Variants in SLC1A1 observed in about 807,000 individuals in gnomAD.
SLC1A1 encodes the protein solute carrier family 1 member 1.
Under a neutral mutation model 53.3 loss-of-function variants are expected in SLC1A1, and 43 were observed. The observed-to-expected ratio is 0.81, with a 90% CI of 0.63 to 1.04. SLC1A1 has a LOEUF of 1.04. SLC1A1 is among the 50% of genes least tolerant of loss of function. The probability of loss-of-function intolerance (pLI) is 0.00; values close to 1 mark genes in which losing one functional copy is unlikely to be tolerated. For synonymous variants in SLC1A1, 307 were observed against 243.2 expected (o/e 1.26, Z -2.44); for missense variants, 748 against 664.9 (o/e 1.12, Z -1.37).
chr9:4,498,834 A>G (rs538996887), intron 1 of SLC1A1, among the ~76,000 whole-genome samples: 267 of 147,710 alleles, frequency 1.8e-3, no homozygotes, highest in African/African-American at 5.9e-3. Context: ...GTGTGTGTGT[A>G]TATATATGAT....
Position 4,519,563 on chromosome 9 carries a change from T to C in SLC1A1, c.92-25004T>C, listed in dbSNP as rs184817542. 1.2e-3 allele frequency among the ~76,000 whole-genome samples: 177 copies of C among 152,360 alleles called. 1 individual carries two copies. Among genetic ancestry groups the C allele is most frequent in the African/African-American group, 4.2e-3 (176 of 41,582 alleles). Reference sequence around the variant, plus strand: ...CTACTTGTGATATTATTATCTGTTGTTATTATTCAATCATAAATATTTATT... The same window carrying C: ...CTACTTGTGATATTATTATCTGTTGCTATTATTCAATCATAAATATTTATT... On this transcript the variant is annotated intron_variant, in intron 1 of 11. Transcript: ENST00000262352.
At chr9:4,509,440 G>C (rs1408824914) in intron 1 of SLC1A1, among the ~76,000 whole-genome samples, 3 of 151,962 alleles carry the variant, frequency 2.0e-5, no homozygotes, top group African/African-American at 7.2e-5. Flanking sequence ...ATCTAGGCCT[G>C]AACAGACAAG....
Position 4,544,673 on chromosome 9 carries a change from C to A in SLC1A1, c.198C>A (p.Ile66=), listed in dbSNP as rs369278485. 163 of 1,613,460 alleles carry A rather than the reference C, an allele frequency of 1.0e-4. No individual in the cohort carries two copies. Among genetic ancestry groups the A allele is most frequent in the Non-Finnish European group, 1.3e-4 (158 of 1,179,442 alleles). Residue 66 remains isoleucine (I), a synonymous_variant, in exon 2 of 12, where the codon ATC becomes ATA. Coordinates refer to ENST00000262352, the MANE Select transcript of SLC1A1 (RefSeq NM_004170.6). ...TTCTAATGCGGATGCTGAAACTCAT[C>A]ATTTTGCCATTAATTATATCCAGCA... ...GEILMRMLKL[I]ILPLIISSMI...
At chr9:4,551,350 G>T (rs1269482584) in intron 2 of SLC1A1, among the ~76,000 whole-genome samples, 1 of 151,996 alleles carries the variant, frequency 6.6e-6, no homozygotes, top group Non-Finnish European at 1.5e-5. Context: ...GCTAACATTT[G>T]TTAACTCCAG....
At chr9:4,523,941 G>A (rs534536190) in intron 1 of SLC1A1, among the ~76,000 whole-genome samples, 1 of 152,216 alleles carries the variant, frequency 6.6e-6, no homozygotes, top group East Asian at 1.9e-4. Flanking sequence ...TAAAGAGCCT[G>A]CCTCCTGAAG....
At chr9:4,504,385 T>C (rs1820731208) in intron 1 of SLC1A1, among the ~76,000 whole-genome samples, 1 of 152,248 alleles carries the variant, frequency 6.6e-6, no homozygotes, top group South Asian at 2.1e-4. Context: ...ATTATTTCTA[T>C]GATAAGAAAT....
chr9:4,572,730 G>A (rs1418810653), intron 7 of SLC1A1, among the ~76,000 whole-genome samples: 2 of 151,996 alleles, frequency 1.3e-5, no homozygotes, highest in African/African-American at 4.8e-5. Context: ...TGTATTTTTT[G>A]TAGAGACAGG....
At chr9:4,552,656 G>A (rs192622514) in intron 2 of SLC1A1, among the ~76,000 whole-genome samples, 2 of 152,168 alleles carry the variant, frequency 1.3e-5, no homozygotes, top group Admixed American at 1.3e-4. Flanking sequence ...AGGGGCAAGA[G>A]AGTCCAGTGG....
intron 3 of SLC1A1, among the ~76,000 whole-genome samples, chr9:4,562,728 C>T (rs931090387): frequency 8.5e-5 from 13 of 152,098 alleles, no homozygotes; most frequent in Admixed American, 7.9e-4. Context: ...TCAACCATGT[C>T]CCTACAAAGG....
At chr9:4,541,626 G>C (rs763787297) in intron 1 of SLC1A1, among the ~76,000 whole-genome samples, 10 of 152,178 alleles carry the variant, frequency 6.6e-5, no homozygotes, top group Non-Finnish European at 1.2e-4. Context: ...GTAAGGAAAA[G>C]GCTAATCTAT....
At chr9:4,517,193 T>G (rs1454966927) in intron 1 of SLC1A1, among the ~76,000 whole-genome samples, 2 of 152,188 alleles carry the variant, frequency 1.3e-5, no homozygotes, top group Non-Finnish European at 2.9e-5. Flanking sequence ...CTCTCCACTC[T>G]CCACCGTCCT....
intron 1 of SLC1A1, among the ~76,000 whole-genome samples, chr9:4,533,900 G>A (rs1816572367): frequency 6.6e-6 from 1 of 152,178 alleles, no homozygotes; most frequent in Non-Finnish European, 1.5e-5. Flanking sequence ...TCAGGATTGA[G>A]AAACTCACTC....
At chr9:4,544,410 T>C (rs1817282526) in intron 1 of SLC1A1, among the ~76,000 whole-genome samples, 157 bp from the exon 2 acceptor site, 1 of 152,228 alleles carries the variant, frequency 6.6e-6, no homozygotes, top group Non-Finnish European at 1.5e-5. Context: ...TCTTTTAAAA[T>C]ATAATTTCAG....
chr9:4,540,456 C>T (rs1816908906), intron 1 of SLC1A1, among the ~76,000 whole-genome samples: 1 of 152,174 alleles, frequency 6.6e-6, no homozygotes, highest in South Asian at 2.1e-4. Context: ...AGAGGGCCCA[C>T]TGAACTGTTG....
intron 1 of SLC1A1, among the ~76,000 whole-genome samples, chr9:4,491,428 G>C (rs923854332): frequency 2.0e-5 from 3 of 152,222 alleles, no homozygotes; most frequent in South Asian, 2.1e-4. Context: ...GGGGAAGAGA[G>C]CTAAGAGAAC....
At chr9:4,572,701 C>T (rs1029248827) in intron 7 of SLC1A1, among the ~76,000 whole-genome samples, 1 of 152,146 alleles carries the variant, frequency 6.6e-6, no homozygotes, top group Non-Finnish European at 1.5e-5. Context: ...GCATGTACCA[C>T]CATGCCCAGC....
intron 1 of SLC1A1, among the ~76,000 whole-genome samples, chr9:4,539,703 C>A: frequency 6.6e-6 from 1 of 152,162 alleles, no homozygotes. Flanking sequence ...TCCTGAGTAG[C>A]TGGGACTACA....
At chr9:4,542,146 T>C (rs568178583) in intron 1 of SLC1A1, among the ~76,000 whole-genome samples, 1 of 150,034 alleles carries the variant, frequency 6.7e-6, no homozygotes, top group Non-Finnish European at 1.5e-5. Context: ...TTCTTCTTTT[T>C]AGAAAGGAAA....
At chr9:4,536,899 T>C (rs1046262432) in intron 1 of SLC1A1, among the ~76,000 whole-genome samples, 3 of 151,938 alleles carry the variant, frequency 2.0e-5, no homozygotes, top group Non-Finnish European at 2.9e-5. Context: ...TGTAGGGACA[T>C]GTATGAAGCT....
Sources: gnomAD v4.1 joint callset for allele counts (sites outside exome capture counted in the v4.1 genomes callset) on GRCh38, gnomAD v4.1.1 for gene constraint, MANE v1.5 for transcripts, NCBI Gene and HGNC (gene_info 2026-07-23, HGNC 2026-07-21) for gene names.